CTNNA3: variants seen among roughly 807,000 people sequenced by gnomAD.
CTNNA3 encodes the protein catenin alpha-3.
Under a neutral mutation model 95.7 loss-of-function variants are expected in CTNNA3, and 76 were observed. The ratio of observed to expected loss-of-function variants is 0.79; its 90% confidence interval spans 0.66 to 0.96. The LOEUF is 0.96. CTNNA3 is among the 40% of genes least tolerant of loss of function. CTNNA3 has a pLI of 0.00. For synonymous variants in CTNNA3, 431 were observed against 374.4 expected (o/e 1.15, Z -1.74); for missense variants, 1,191 against 1,089.8 (o/e 1.09, Z -1.31).
chr10:66,977,597 A>G (rs1479392937), intron 7 of CTNNA3, among the ~76,000 whole-genome samples: 1 of 152,222 alleles, frequency 6.6e-6, no homozygotes, highest in Non-Finnish European at 1.5e-5. Flanking sequence ...GAGGTACTTC[A>G]GCATTCCTAT....
rs60709020 is a variant in CTNNA3 at position 66,331,342 on chromosome 10, GTTTT to G, written c.1732+47806_1732+47809del. Among the ~76,000 whole-genome samples, 85 of 80,332 alleles carry G rather than the reference GTTTT, an allele frequency of 1.1e-3. 10 individuals are homozygous for G. The East Asian group carries it at 0.011, about 10-fold the overall frequency. 52.7% of individuals were successfully genotyped at this position (80,332 alleles called of 152,430 possible). A position where few individuals can be genotyped will look rare whatever the true frequency, so the allele number is the denominator to read the frequency against. The stretch of plus-strand genomic sequence containing the variant: ...ATATGGACTCCTTTCCCCATTGTTT[GTTTT>G]TTTTTTTTTTTTTTTTTTTTTTTTT... On this transcript the variant is annotated intron_variant, in intron 12 of 17. Coordinates refer to ENST00000433211, the MANE Select transcript of CTNNA3 (RefSeq NM_013266.4).
intron 13 of CTNNA3, among the ~76,000 whole-genome samples, chr10:66,176,412 T>C (rs867659915): frequency 6.6e-6 from 1 of 152,076 alleles, no homozygotes; most frequent in African/African-American, 2.4e-5. Context: ...AATAGTTTCT[T>C]ATGAAAAAAG....
chr10:65,945,856 T>C (rs1045146194), intron 17 of CTNNA3, among the ~76,000 whole-genome samples: 1 of 152,172 alleles, frequency 6.6e-6, no homozygotes, highest in South Asian at 2.1e-4. Context: ...TTAGTTGTCA[T>C]TGTGGTTACC....
At chr10:66,480,590 G>A (rs1443292761) in intron 11 of CTNNA3, among the ~76,000 whole-genome samples, 5 of 151,832 alleles carry the variant, frequency 3.3e-5, no homozygotes, top group Admixed American at 3.3e-4. Flanking sequence ...TTCAGATGTT[G>A]GCAAAATAAT....
intron 5 of CTNNA3, among the ~76,000 whole-genome samples, chr10:67,503,717 C>T (rs945133526): frequency 1.3e-5 from 2 of 152,094 alleles, no homozygotes; most frequent in African/African-American, 2.4e-5. Flanking sequence ...TCCATATATG[C>T]CAACATTCTT....
At chr10:67,244,615 G>A (rs951540075) in intron 5 of CTNNA3, among the ~76,000 whole-genome samples, 1 of 152,172 alleles carries the variant, frequency 6.6e-6, no homozygotes, top group African/African-American at 2.4e-5. Flanking sequence ...TTCAGAAATT[G>A]TTAGATAATG....
chr10:67,593,032 A>C (rs1366054982), intron 3 of CTNNA3, among the ~76,000 whole-genome samples: 1 of 151,966 alleles, frequency 6.6e-6, no homozygotes, highest in East Asian at 1.9e-4. Context: ...ATATGTACCC[A>C]ATGTTTAGCT....
intron 7 of CTNNA3, among the ~76,000 whole-genome samples, chr10:66,836,811 T>A (rs540849357): frequency 4.6e-5 from 7 of 152,276 alleles, no homozygotes; most frequent in African/African-American, 1.7e-4. Context: ...TCTACTAAAC[T>A]ATTCTGCATA....
At chr10:66,662,395 C>T (rs1846294467) in intron 9 of CTNNA3, among the ~76,000 whole-genome samples, 1 of 152,158 alleles carries the variant, frequency 6.6e-6, no homozygotes, top group Admixed American at 6.5e-5. Flanking sequence ...TTTGCTGGAA[C>T]TTCCCTACTG....
intron 9 of CTNNA3, among the ~76,000 whole-genome samples, chr10:66,690,344 C>CTT (rs1847473705): frequency 6.6e-6 from 1 of 151,388 alleles, no homozygotes; most frequent in Non-Finnish European, 1.5e-5. Context: ...TATTATTATA[C>CTT]TTTAAGTTTT....
chr10:66,014,572 G>C (rs1045955492), intron 15 of CTNNA3, among the ~76,000 whole-genome samples: 1 of 152,108 alleles, frequency 6.6e-6, no homozygotes, highest in African/African-American at 2.4e-5. Context: ...GACTATAAAT[G>C]TGTTTTTGGT....
chr10:66,130,669 C>G (rs1309032396), intron 13 of CTNNA3, among the ~76,000 whole-genome samples: 1 of 151,572 alleles, frequency 6.6e-6, no homozygotes, highest in African/African-American at 2.4e-5. Flanking sequence ...ATGGTGAAAC[C>G]CTGTCTCTAC....
At chr10:66,182,668 T>G (rs1174469336) in intron 13 of CTNNA3, among the ~76,000 whole-genome samples, 1 of 152,128 alleles carries the variant, frequency 6.6e-6, no homozygotes, top group East Asian at 1.9e-4. Flanking sequence ...CTTTTTCCAC[T>G]CAATCTGTCT....
chr10:67,525,630 A>G (rs1469178386), intron 4 of CTNNA3, among the ~76,000 whole-genome samples: 1 of 152,182 alleles, frequency 6.6e-6, no homozygotes, highest in East Asian at 1.9e-4. Context: ...TAATTTGAGA[A>G]AGACACGAAG....
At chr10:67,523,566 T>A (rs1465525822) in intron 4 of CTNNA3, among the ~76,000 whole-genome samples, 1 of 152,076 alleles carries the variant, frequency 6.6e-6, no homozygotes, top group Non-Finnish European at 1.5e-5. Flanking sequence ...GAGATAAAGG[T>A]AACATTGGTG....
At chr10:67,517,279 C>G (rs1282548865) in intron 5 of CTNNA3, among the ~76,000 whole-genome samples, 2 of 152,072 alleles carry the variant, frequency 1.3e-5, no homozygotes, top group African/African-American at 4.8e-5. Context: ...GTCTTGCACA[C>G]CTGTTAGGAT....
At chr10:67,162,079 C>T (rs1417930613) in intron 7 of CTNNA3, among the ~76,000 whole-genome samples, 1 of 152,022 alleles carries the variant, frequency 6.6e-6, no homozygotes, top group Non-Finnish European at 1.5e-5. Flanking sequence ...ACAGTTATAG[C>T]TGTAGACTTC....
intron 7 of CTNNA3, among the ~76,000 whole-genome samples, chr10:66,781,189 G>A (rs1280133011): frequency 6.6e-6 from 1 of 152,106 alleles, no homozygotes; most frequent in South Asian, 2.1e-4. Flanking sequence ...AATTCAAACA[G>A]CAGGAAAATG....
intron 5 of CTNNA3, among the ~76,000 whole-genome samples, chr10:67,446,168 G>A (rs1416967517): frequency 6.6e-6 from 1 of 152,130 alleles, no homozygotes; most frequent in African/African-American, 2.4e-5. Flanking sequence ...AGTCATTTGT[G>A]AGCTTTGTAC....
Sources: allele counts gnomAD v4.1 joint callset (sites outside exome capture counted in the v4.1 genomes callset), GRCh38; gene constraint gnomAD v4.1.1; transcripts MANE v1.5; gene names NCBI Gene and HGNC (gene_info 2026-07-23, HGNC 2026-07-21).